CTNNA3: variants seen among roughly 807,000 people sequenced by gnomAD.
The protein encoded by CTNNA3 is catenin alpha 3.
Under a neutral mutation model 95.7 loss-of-function variants are expected in CTNNA3, and 76 were observed. The observed-to-expected ratio is 0.79, with a 90% CI of 0.66 to 0.96. The LOEUF (loss-of-function observed/expected upper bound fraction) is 0.96. Ranked by LOEUF, CTNNA3 falls within the 40% of genes least tolerant of loss-of-function variation. The pLI is 0.00. For synonymous variants in CTNNA3, 431 were observed against 374.4 expected (o/e 1.15, Z -1.74); for missense variants, 1,191 against 1,089.8 (o/e 1.09, Z -1.31).
intron 7 of CTNNA3, among the ~76,000 whole-genome samples, chr10:67,024,243 T>C (rs1853208776): frequency 6.6e-6 from 1 of 152,190 alleles, no homozygotes; most frequent in Admixed American, 6.5e-5. Flanking sequence ...CAAATTTTTC[T>C]CCTCTCTAGC....
intron 11 of CTNNA3, among the ~76,000 whole-genome samples, chr10:66,442,745 G>A (rs1329589211): frequency 6.6e-6 from 1 of 152,192 alleles, no homozygotes; most frequent in Non-Finnish European, 1.5e-5. Flanking sequence ...CAGAAGATGG[G>A]TGATTTCTGC....
intron 5 of CTNNA3, among the ~76,000 whole-genome samples, chr10:67,450,768 C>T (rs564187621): frequency 1.1e-4 from 16 of 151,418 alleles, no homozygotes; most frequent in South Asian, 4.2e-4. Flanking sequence ...TGCACATGTA[C>T]GCTGAACCTA....
chr10:66,011,136 T>C (rs1368628071), intron 15 of CTNNA3, among the ~76,000 whole-genome samples: 1 of 152,168 alleles, frequency 6.6e-6, no homozygotes, highest in Non-Finnish European at 1.5e-5. Context: ...GAAGTCTTAA[T>C]TTAGAGATTT....
chr10:67,541,004 A>C (rs1840668505), intron 3 of CTNNA3, among the ~76,000 whole-genome samples: 1 of 151,948 alleles, frequency 6.6e-6, no homozygotes, highest in Non-Finnish European at 1.5e-5. Context: ...GTATTAAATA[A>C]GAGTACATAA....
intron 3 of CTNNA3, among the ~76,000 whole-genome samples, chr10:67,552,277 C>T (rs1163439612): frequency 2.0e-5 from 3 of 151,658 alleles, no homozygotes; most frequent in Non-Finnish European, 4.4e-5. Flanking sequence ...GGTTTTTTTT[C>T]GTTGTTAGAG....
intron 3 of CTNNA3, among the ~76,000 whole-genome samples, chr10:67,584,584 C>G (rs1047675983): frequency 4.6e-5 from 7 of 152,234 alleles, no homozygotes; most frequent in Non-Finnish European, 8.8e-5. Context: ...AACCACTACT[C>G]TCTTCAAAGC....
At chr10:67,377,710 T>C (rs1280899299) in intron 5 of CTNNA3, among the ~76,000 whole-genome samples, 1 of 152,200 alleles carries the variant, frequency 6.6e-6, no homozygotes, top group East Asian at 1.9e-4. Context: ...CTATAATGTA[T>C]GGTGATCAGA....
intron 15 of CTNNA3, among the ~76,000 whole-genome samples, chr10:65,998,374 C>T (rs2078707166): frequency 6.6e-6 from 1 of 151,922 alleles, no homozygotes; most frequent in Admixed American, 6.6e-5. Context: ...TCTATCTTCC[C>T]TTTTTTGAAA....
At chr10:66,824,612 A>G (rs1842428044) in intron 7 of CTNNA3, among the ~76,000 whole-genome samples, 1 of 152,242 alleles carries the variant, frequency 6.6e-6, no homozygotes, top group Non-Finnish European at 1.5e-5. Flanking sequence ...AATTAATAAA[A>G]TGACCTTTTC....
chr10:66,722,590 C>T (rs1848664908), intron 9 of CTNNA3, among the ~76,000 whole-genome samples: 4 of 148,176 alleles, frequency 2.7e-5, no homozygotes. Context: ...CCACCACACA[C>T]AGAAACACAC....
intron 5 of CTNNA3, among the ~76,000 whole-genome samples, chr10:67,378,122 T>C (rs1268031582): frequency 6.6e-6 from 1 of 152,210 alleles, no homozygotes; most frequent in South Asian, 2.1e-4. Flanking sequence ...TAGTGTCCTA[T>C]GTTCTACTTT....
intron 1 of CTNNA3, among the ~76,000 whole-genome samples, chr10:67,714,203 A>C (rs1188429656): frequency 6.6e-6 from 1 of 152,170 alleles, no homozygotes; most frequent in Non-Finnish European, 1.5e-5. Flanking sequence ...AGATCCACCA[A>C]CAGCTTGCAC....
chr10:66,368,697 T>A (rs1207491960), intron 12 of CTNNA3, among the ~76,000 whole-genome samples: 2 of 152,120 alleles, frequency 1.3e-5, no homozygotes, highest in Non-Finnish European at 1.5e-5. Context: ...CCAACAGAAG[T>A]AGCTATTAAA....
intron 7 of CTNNA3, among the ~76,000 whole-genome samples, chr10:67,033,070 G>A (rs1853831026): frequency 6.6e-6 from 1 of 152,074 alleles, no homozygotes; most frequent in Non-Finnish European, 1.5e-5. Flanking sequence ...TTTTTTTCCA[G>A]GAGGATTTTG....
intron 7 of CTNNA3, among the ~76,000 whole-genome samples, chr10:67,015,967 A>C (rs72804683): frequency 0.05 from 7,480 of 150,328 alleles, 266 homozygotes; most frequent in Middle Eastern, 0.082. Flanking sequence ...CATTTTTTTC[A>C]TTTCCATTTT....
At chr10:66,900,338 G>A (rs923833042) in intron 7 of CTNNA3, among the ~76,000 whole-genome samples, 2 of 152,038 alleles carry the variant, frequency 1.3e-5, no homozygotes, top group African/African-American at 4.8e-5. Flanking sequence ...TCAACAAAAA[G>A]GACATCCCCA....
intron 9 of CTNNA3, among the ~76,000 whole-genome samples, chr10:66,701,601 G>C (rs924272431): frequency 6.6e-6 from 1 of 151,908 alleles, no homozygotes; most frequent in Non-Finnish European, 1.5e-5. Flanking sequence ...TCATATTATT[G>C]ATATTATTGT....
Position 67,313,863 on chromosome 10 carries a change from A to T in CTNNA3, c.580-93993T>A, listed in dbSNP as rs553878614. 6.7e-4 allele frequency among the ~76,000 whole-genome samples: 102 copies of T among 152,346 alleles called. 1 individual carries two copies. Among genetic ancestry groups the T allele is most frequent in the African/African-American group, 2.0e-3 (82 of 41,590 alleles). ...ACAGCATATAAAAGAAGAGGGTCAT[A>T]CTAGGTAGGAAAGATAAGAAGTTCT... On this transcript the variant is annotated intron_variant, in intron 5 of 17. Coordinates refer to ENST00000433211, the MANE Select transcript of CTNNA3 (RefSeq NM_013266.4).
chr10:65,916,499 A>G lies in CTNNA3; in HGVS notation c.*3831T>C, dbSNP rs556527409. The stretch of plus-strand genomic sequence containing the variant: ...CAGATCTTATTCCACTCATACTACC[A>G]CTATACAAAAATCTGTAGCCATGGG... On this transcript the variant is annotated 3_prime_UTR_variant, in exon 18 of 18. Coordinates refer to ENST00000433211, the MANE Select transcript of CTNNA3 (RefSeq NM_013266.4). The G allele has an allele frequency of 2.5e-4, 38 of 152,256 alleles. No homozygotes were observed. The highest frequency in any genetic ancestry group is 8.2e-4 in the African/African-American group (34 of 41,546). The allele number at this position is 152,256 out of a possible 1,614,324, so 9.4% of individuals were successfully genotyped here.
Sources: allele counts gnomAD v4.1 joint callset (sites outside exome capture counted in the v4.1 genomes callset), GRCh38; gene constraint gnomAD v4.1.1; transcripts MANE v1.5; gene names NCBI Gene and HGNC (gene_info 2026-07-23, HGNC 2026-07-21).